The following KCNMA1 variants were observed in gnomAD, a reference collection of about 807,000 sequenced individuals.
The protein encoded by KCNMA1 is Calcium-activated potassium channel subunit alpha-1.
A neutral mutation model predicts 140.0 loss-of-function variants in KCNMA1; 29 were observed. That is an observed-to-expected ratio of 0.21 (90% CI 0.15 to 0.28). The LOEUF is 0.28. Among genes scored for constraint, KCNMA1 ranks in the 10% least tolerant of loss-of-function variants. The pLI is 1.00. For synonymous variants in KCNMA1, 612 were observed against 611.9 expected (o/e 1.00, Z 0.00); for missense variants, 880 against 1,602.2 (o/e 0.55, Z 7.70).
chr10:77,629,133 G>A (rs542551273), intron 1 of KCNMA1, among the ~76,000 whole-genome samples: 2 of 152,332 alleles, frequency 1.3e-5, no homozygotes, highest in South Asian at 2.1e-4. Context: ...GCTTGACAAC[G>A]TTAAGTGTAT....
chr10:77,518,681 C>T (rs1166850668), intron 1 of KCNMA1, among the ~76,000 whole-genome samples: 2 of 152,288 alleles, frequency 1.3e-5, no homozygotes, highest in South Asian at 2.1e-4. Context: ...TCTAAGCATC[C>T]GTTTCTTCAT....
intron 16 of KCNMA1, among the ~76,000 whole-genome samples, chr10:77,026,283 A>G (rs2093452073): frequency 6.6e-6 from 1 of 152,344 alleles, no homozygotes; most frequent in South Asian, 2.1e-4. Flanking sequence ...AATGGTCGAA[A>G]AACACTATGC....
At chr10:77,503,620 A>G (rs1393160400) in intron 1 of KCNMA1, among the ~76,000 whole-genome samples, 1 of 152,252 alleles carries the variant, frequency 6.6e-6, no homozygotes, top group African/African-American at 2.4e-5. Context: ...CTCTGAAGTC[A>G]GCTGTCCTTG....
At position 77,186,776 on chromosome 10, in the gene KCNMA1, AATGTGTGTGTGT is replaced by A. The variant is rs2098861472; in HGVS notation, c.603-1872_603-1861del. Among the ~76,000 whole-genome samples the A allele has an allele frequency of 4.4e-5, 4 of 90,064 alleles. No individual in the cohort carries two copies. In the Admixed American group the frequency reaches 5.2e-4, roughly 12 times the overall value. 59.1% of individuals were successfully genotyped at this position (90,064 alleles called of 152,430 possible). ...CTGCAGGATACGTTACTAAAGAGTA[AATGTGTGTGTGT>A]GTGTGTGTGTGTGTGTGTGTGTGTG... On this transcript the variant is annotated intron_variant, in intron 3 of 27. Coordinates refer to ENST00000286628, the MANE Select transcript of KCNMA1 (RefSeq NM_001161352.2).
chr10:77,348,467 C>T (rs2154383140), intron 2 of KCNMA1, among the ~76,000 whole-genome samples: 1 of 152,200 alleles, frequency 6.6e-6, no homozygotes, highest in South Asian at 2.1e-4. Context: ...GAATGAAGGC[C>T]CACAGAAGTC....
At chr10:76,956,160 G>A (rs962841733) in intron 20 of KCNMA1, among the ~76,000 whole-genome samples, 1 of 152,222 alleles carries the variant, frequency 6.6e-6, no homozygotes, top group African/African-American at 2.4e-5. Context: ...CTGGGAAGGA[G>A]TCAGACGTTG....
At chr10:77,208,201 C>A (rs2044782328) in intron 3 of KCNMA1, among the ~76,000 whole-genome samples, 1 of 152,218 alleles carries the variant, frequency 6.6e-6, no homozygotes, top group Non-Finnish European at 1.5e-5. Flanking sequence ...GGGCTACAAA[C>A]TTCCAGCTTG....
At chr10:77,189,603 C>A (rs1189582042) in intron 3 of KCNMA1, among the ~76,000 whole-genome samples, 2 of 152,142 alleles carry the variant, frequency 1.3e-5, no homozygotes, top group South Asian at 2.1e-4. Context: ...AGAATGACAA[C>A]AACAATAACA....
chr10:77,632,201 A>AT (rs970972650), intron 1 of KCNMA1, among the ~76,000 whole-genome samples: 4 of 151,934 alleles, frequency 2.6e-5, no homozygotes, highest in Non-Finnish European at 5.9e-5. Context: ...ATGCCTGCTG[A>AT]TTTTTTTTCA....
intron 5 of KCNMA1, among the ~76,000 whole-genome samples, chr10:77,139,704 G>T (rs1392346025): frequency 6.6e-6 from 1 of 152,120 alleles, no homozygotes; most frequent in Non-Finnish European, 1.5e-5. Context: ...GTTTTAAACT[G>T]TAATATATTA....
chr10:77,608,463 C>T (rs1023592603), intron 1 of KCNMA1, among the ~76,000 whole-genome samples: 78 of 152,270 alleles, frequency 5.1e-4, no homozygotes, highest in African/African-American at 1.9e-3. Context: ...CATGAGTCAC[C>T]ATGCCGGGCC....
chr10:76,994,127 T>C (rs569137116), intron 19 of KCNMA1, among the ~76,000 whole-genome samples: 1 of 152,296 alleles, frequency 6.6e-6, no homozygotes, highest in South Asian at 2.1e-4. Flanking sequence ...TGGCAAGTCA[T>C]GAGACTGTGA....
At chr10:77,527,287 C>T (rs1360208917) in intron 1 of KCNMA1, among the ~76,000 whole-genome samples, 1 of 152,250 alleles carries the variant, frequency 6.6e-6, no homozygotes, top group Non-Finnish European at 1.5e-5. Context: ...CCATCCATAG[C>T]CAGGCCACCC....
At chr10:77,256,948 A>G (rs1422210076) in intron 2 of KCNMA1, among the ~76,000 whole-genome samples, 1 of 152,128 alleles carries the variant, frequency 6.6e-6, no homozygotes, top group Non-Finnish European at 1.5e-5. Context: ...TACAAAAAAA[A>G]CTTTAAAAAA....
chr10:77,023,077 C>G (rs975529592), intron 16 of KCNMA1: 5 of 346,902 alleles, frequency 1.4e-5, no homozygotes, highest in Non-Finnish European at 2.9e-5. Context: ...TCAGGTCCCT[C>G]CATGAGAGGA....
At chr10:77,172,451 T>C (rs926546063) in intron 5 of KCNMA1, among the ~76,000 whole-genome samples, 43 of 152,122 alleles carry the variant, frequency 2.8e-4, no homozygotes, top group African/African-American at 7.5e-4. Flanking sequence ...GGGAACACAA[T>C]TGGAAATCTC....
intron 5 of KCNMA1, among the ~76,000 whole-genome samples, chr10:77,173,897 AGTCAAGTTATCAGAT>A (rs2098730475): frequency 6.6e-6 from 1 of 152,126 alleles, no homozygotes; most frequent in Admixed American, 6.6e-5. Flanking sequence ...ATAGCGGTTG[AGTCAAGTTATCAGAT>A]GTCAAATAGC....
chr10:76,904,350 A>C (rs1159701987), intron 25 of KCNMA1: 1 of 152,236 alleles, frequency 6.6e-6, no homozygotes, highest in Non-Finnish European at 1.5e-5. Flanking sequence ...GAGCAAAGAC[A>C]CACCTGCCTT....
intron 1 of KCNMA1, among the ~76,000 whole-genome samples, chr10:77,584,134 CT>C (rs1263862859): frequency 1.3e-5 from 2 of 152,164 alleles, no homozygotes; most frequent in Non-Finnish European, 2.9e-5. Flanking sequence ...GTGAGCAGGA[CT>C]TGGGTACCCT....
Sources: gnomAD v4.1 joint callset for allele counts (sites outside exome capture counted in the v4.1 genomes callset) on GRCh38, gnomAD v4.1.1 for gene constraint, MANE v1.5 for transcripts, NCBI Gene and HGNC (gene_info 2026-07-23, HGNC 2026-07-21) for gene names.